Variants in SLC16A2 observed in about 807,000 individuals in gnomAD.
The protein encoded by SLC16A2 is solute carrier family 16 member 2.
A neutral mutation model predicts 27.2 loss-of-function variants in SLC16A2; 3 were observed. That is an observed-to-expected ratio of 0.11 (90% CI 0.05 to 0.28). The LOEUF is 0.28. Among genes scored for constraint, SLC16A2 ranks in the 10% least tolerant of loss-of-function variants. The pLI, the probability that SLC16A2 is intolerant of heterozygous loss-of-function variation, is 1.00. For missense variants in SLC16A2, 295 were observed against 458.5 expected (o/e 0.64, Z 3.26); for synonymous variants, 202 against 187.8 (o/e 1.08, Z -0.62).
At chrX:74,469,681 G>T (rs1056955778) in intron 1 of SLC16A2, among the ~76,000 whole-genome samples, 2 of 110,480 alleles carry the variant, frequency 1.8e-5, no homozygotes, top group African/African-American at 6.6e-5. Context: ...GACGATTTTA[G>T]GGCAGTTTTA....
intron 1 of SLC16A2, among the ~76,000 whole-genome samples, chrX:74,508,582 CT>C (rs1337793362): frequency 1.8e-5 from 2 of 111,854 alleles, no homozygotes; most frequent in Non-Finnish European, 3.8e-5. Context: ...GTTCTAGTAG[CT>C]TTTTTTGTAG....
intron 1 of SLC16A2, among the ~76,000 whole-genome samples, chrX:74,479,209 T>C (rs371250903): frequency 9.0e-6 from 1 of 111,381 alleles, no homozygotes; most frequent in Non-Finnish European, 1.9e-5. Flanking sequence ...CTCTAAACTT[T>C]TCTTCTCGCT....
intron 1 of SLC16A2, among the ~76,000 whole-genome samples, chrX:74,461,317 G>A (rs1569288754): frequency 2.7e-5 from 3 of 111,027 alleles, no homozygotes; most frequent in Non-Finnish European, 1.9e-5. Context: ...CACTTTTTCT[G>A]TTTCCTCAGT....
intron 1 of SLC16A2, among the ~76,000 whole-genome samples, chrX:74,490,817 G>A (rs1319843955): frequency 3.6e-5 from 4 of 112,009 alleles, no homozygotes; most frequent in Non-Finnish European, 7.5e-5. Flanking sequence ...GATTAATTTT[G>A]GGAGAAAATG....
intron 1 of SLC16A2, chrX:74,473,790 G>T: frequency 1.7e-6 from 1 of 603,227 alleles, no homozygotes; most frequent in African/African-American, 2.2e-5. Context: ...CCCCTGGAGG[G>T]CTTGGTGTTT....
rs1340361365 is a variant in SLC16A2 at position 74,531,436 on chromosome X, T to A, written c.1503T>A (p.His501Gln). 9 of 1,210,985 alleles carry A rather than the reference T, an allele frequency of 7.4e-6. No individual in the cohort carries two copies. Among genetic ancestry groups the A allele is most frequent in the Non-Finnish European group, 1.0e-5 (9 of 894,738 alleles). Residue 501 changes from histidine (H) to glutamine (Q), a missense_variant, in exon 6 of 6, where the codon CAT becomes CAA. Around this residue, in one of 3 missense-constraint regions of SLC16A2, gnomAD observed 144 missense variants for 219.8 expected, o/e 0.66. Transcript: ENST00000587091. ...TCCTCTTCTTCGTCCCTCTGATGCATCAAAGGATGTTCAAGAAAGAGCAGA... is the reference window on the plus strand; with the variant it reads ...TCCTCTTCTTCGTCCCTCTGATGCAACAAAGGATGTTCAAGAAAGAGCAGA... ...AVILFFVPLM[H>Q]QRMFKKEQRD...
At chrX:74,452,712 C>T (rs1256794884) in intron 1 of SLC16A2, among the ~76,000 whole-genome samples, 1 of 110,796 alleles carries the variant, frequency 9.0e-6, no homozygotes, top group Non-Finnish European at 1.9e-5. Context: ...ATACACAGGT[C>T]GTCCTTCACT....
At chrX:74,479,592 G>GT (rs1602124265) in intron 1 of SLC16A2, among the ~76,000 whole-genome samples, 2 of 111,980 alleles carry the variant, frequency 1.8e-5, no homozygotes, top group African/African-American at 6.5e-5. Context: ...TTTCTGCTCT[G>GT]TTTTTTCCCC....
At chrX:74,497,205 C>G (rs1048847543) in intron 1 of SLC16A2, among the ~76,000 whole-genome samples, 1 of 111,771 alleles carries the variant, frequency 8.9e-6, no homozygotes, top group Non-Finnish European at 1.9e-5. Flanking sequence ...GGGTGAAGCC[C>G]CAGCCAGGGG....
intron 1 of SLC16A2, among the ~76,000 whole-genome samples, chrX:74,467,759 C>A (rs1929279344): frequency 9.0e-6 from 1 of 111,533 alleles, no homozygotes; most frequent in South Asian, 3.8e-4. Context: ...GTCAGGCATG[C>A]TCCATGACAT....
intron 1 of SLC16A2, among the ~76,000 whole-genome samples, chrX:74,513,130 T>C (rs181591188): frequency 1.4e-3 from 159 of 112,138 alleles, no homozygotes; most frequent in African/African-American, 4.7e-3. Context: ...AATCCAAGGA[T>C]CTGTTGAACA....
intron 1 of SLC16A2, among the ~76,000 whole-genome samples, chrX:74,457,945 G>A (rs1294763980): frequency 1.8e-5 from 2 of 111,791 alleles, no homozygotes; most frequent in African/African-American, 6.5e-5. Flanking sequence ...ACTTGCCCAG[G>A]GATAAGTAAG....
At chrX:74,503,602 T>C (rs1410986543) in intron 1 of SLC16A2, among the ~76,000 whole-genome samples, 1 of 111,748 alleles carries the variant, frequency 8.9e-6, no homozygotes, top group African/African-American at 3.3e-5. Flanking sequence ...ATGCCATAGA[T>C]AATGCAGCTG....
intron 1 of SLC16A2, among the ~76,000 whole-genome samples, chrX:74,428,719 G>T (rs1928470070): frequency 9.0e-6 from 1 of 111,173 alleles, no homozygotes; most frequent in Non-Finnish European, 1.9e-5. Flanking sequence ...ATCACCTCTG[G>T]ATTTTCGCAT....
At chrX:74,505,369 C>A (rs763494780) in intron 1 of SLC16A2, among the ~76,000 whole-genome samples, 20 of 112,105 alleles carry the variant, frequency 1.8e-4, no homozygotes, top group Admixed American at 4.7e-4. Context: ...TCAGAAAACA[C>A]TTAACAAAAA....
At chrX:74,495,060 G>A (rs930676891) in intron 1 of SLC16A2, among the ~76,000 whole-genome samples, 3 of 111,482 alleles carry the variant, frequency 2.7e-5, no homozygotes, top group African/African-American at 9.8e-5. Context: ...CTGCCCTTGG[G>A]TGCATGTGCC....
At chrX:74,508,155 T>C (rs991110400) in intron 1 of SLC16A2, among the ~76,000 whole-genome samples, 1 of 112,237 alleles carries the variant, frequency 8.9e-6, no homozygotes, top group Non-Finnish European at 1.9e-5. Context: ...ATAATATAAG[T>C]ATTCTAACTT....
Position 74,532,739 on chromosome X carries a change from C to A in SLC16A2, c.*1186C>A, listed in dbSNP as rs1602144611. ...AGTTGCACATAGGGTTGGAAAATTT[C>A]TTTTGGGAAGGGGAAGCCATCCCAG... On this transcript the variant is annotated 3_prime_UTR_variant, in exon 6 of 6. Transcript: ENST00000587091. The A allele has an allele frequency of 8.9e-6, 1 of 112,278 alleles. No individual in the cohort carries two copies. The highest frequency in any genetic ancestry group is 2.8e-4 in the East Asian group (1 of 3,526). 9.3% of individuals were successfully genotyped at this position (112,278 alleles called of 1,213,427 possible). A position where few individuals can be genotyped will look rare whatever the true frequency, so the allele number is the denominator to read the frequency against.
At chrX:74,433,102 T>A (rs1411852366) in intron 1 of SLC16A2, among the ~76,000 whole-genome samples, 1 of 111,837 alleles carries the variant, frequency 8.9e-6, no homozygotes, top group Non-Finnish European at 1.9e-5. Flanking sequence ...CCAGGCATGG[T>A]GGCTCACACC....
Sources: gnomAD v4.1 joint callset for allele counts (sites outside exome capture counted in the v4.1 genomes callset) on GRCh38, gnomAD v4.1.1 for gene constraint, gnomAD v4.1.1 regional missense constraint, MANE v1.5 for transcripts, NCBI Gene and HGNC (gene_info 2026-07-23, HGNC 2026-07-21) for gene names.